CUBN: variants seen among roughly 807,000 people sequenced by gnomAD.
CUBN encodes the protein cubilin.
CUBN carries 282 observed loss-of-function variants against 405.3 expected under a neutral mutation model. That is an observed-to-expected ratio of 0.70 (90% CI 0.63 to 0.77). CUBN has a LOEUF of 0.77. Among genes scored for constraint, CUBN ranks in the 30% least tolerant of loss-of-function variants. CUBN has a pLI of 0.00. For synonymous variants in CUBN, 1,684 were observed against 1,617.0 expected (o/e 1.04, Z -0.99); for missense variants, 4,514 against 4,475.2 (o/e 1.01, Z -0.25).
rs747821988 is a variant in CUBN, at chr10:17,088,294, T to C, written c.1817A>G (p.Tyr606Cys). Residue 606 changes from tyrosine to cysteine, a missense_variant, in exon 15 of 67, where the codon TAT (tyrosine) becomes TGT (cysteine). Tyr to Cys is a radical substitution (Grantham distance 194). This residue lies in a region of CUBN where 1,448 missense variants were observed against 1,388.0 expected (regional missense o/e 1.04). Transcript: ENST00000377833. ...TCTTCCTGGGGGATAGTTTCCAGGATACCCCGGAGACTTAATAGAACCGTA... is the reference window on the plus strand; with the variant it reads ...TCTTCCTGGGGGATAGTTTCCAGGACACCCCGGAGACTTAATAGAACCGTA... ...GPYGSIKSPGYPGNYPPGRDC... is the reference protein window; with the variant it reads ...GPYGSIKSPGCPGNYPPGRDC... The C allele has an allele frequency of 1.2e-6, 2 of 1,613,478 alleles. No individual in the cohort carries two copies. Among genetic ancestry groups the C allele is most frequent in the African/African-American group, 1.3e-5 (1 of 74,884 alleles).
chr10:16,852,404 CATCTTTCCCTCCCTCACTCT>C (rs1839741308), intron 59 of CUBN, among the ~76,000 whole-genome samples: 1 of 141,462 alleles, frequency 7.1e-6, no homozygotes, highest in Admixed American at 7.0e-5. Flanking sequence ...TCCCTCCCTC[CATCTTTCCCTCCCTCACTCT>C]ATCTTTCCAT....
intron 60 of CUBN, among the ~76,000 whole-genome samples, chr10:16,847,571 C>T (rs559149640): frequency 5.9e-5 from 9 of 152,188 alleles, no homozygotes; most frequent in Non-Finnish European, 1.3e-4. Flanking sequence ...ACTTTACTAG[C>T]AGCTCCTCAA....
At chr10:17,071,318 G>T in intron 19 of CUBN, 108 bp downstream of exon 19, 1 of 1,147,680 alleles carries the variant, frequency 8.7e-7, no homozygotes, top group Non-Finnish European at 1.3e-6. Flanking sequence ...AGACATATTG[G>T]TCTACATAAA....
In CUBN at chr10:17,106,083, G is replaced by A. The variant is rs552489832; in HGVS notation, c.1112-508C>T. On this transcript the variant is annotated intron_variant, in intron 10 of 66. Coordinates refer to ENST00000377833, the MANE Select transcript of CUBN (RefSeq NM_001081.4). Reference sequence around the variant, plus strand: ...GCAGATCACTTGAGTTCAGGAGTTCGAGACCAGCCTGGCCAATGTGGAGAA... The same window carrying A: ...GCAGATCACTTGAGTTCAGGAGTTCAAGACCAGCCTGGCCAATGTGGAGAA... Among the ~76,000 whole-genome samples, 4 of 152,216 alleles carry A rather than the reference G, an allele frequency of 2.6e-5. No homozygotes were observed. In the East Asian group the frequency reaches 5.8e-4, roughly 22 times the overall value.
chr10:17,041,944 C>T (rs1259298835), intron 26 of CUBN, among the ~76,000 whole-genome samples: 2 of 152,128 alleles, frequency 1.3e-5, no homozygotes, highest in African/African-American at 2.4e-5. Context: ...ATGTCTAATC[C>T]TGGGTGCCCA....
At chr10:17,072,261 TA>T (rs1291012590) in intron 17 of CUBN, among the ~76,000 whole-genome samples, 1 of 152,074 alleles carries the variant, frequency 6.6e-6, no homozygotes, top group Admixed American at 6.6e-5. Flanking sequence ...CAATTTAGAC[TA>T]CTTGGAAAAC....
In CUBN at chr10:16,913,860, T is replaced by G. The variant is rs749857201; in HGVS notation, c.7484A>C (p.Asn2495Thr). The change falls in exon 48 of 67, where the codon AAC (asparagine) becomes ACC (threonine). Residue 2495 changes from asparagine to threonine, a missense_variant. Physicochemically the swap from Asn to Thr is moderately conservative, Grantham distance 65 (BLOSUM62 0). Coordinates refer to ENST00000377833, the MANE Select transcript of CUBN (RefSeq NM_001081.4). ...CGGATGCGTGGCCAGCCTCAGGTTGTTAAACATTAGGGTGATCCGCCTTCC... is the reference window on the plus strand; with the variant it reads ...CGGATGCGTGGCCAGCCTCAGGTTGGTAAACATTAGGGTGATCCGCCTTCC... The part of the protein sequence containing the change: ...PEGRRITLMF[N>T]NLRLATHPSC... 37 of 1,613,948 alleles carry G rather than the reference T, an allele frequency of 2.3e-5. No homozygotes were observed. The highest frequency in any genetic ancestry group is 3.1e-5 in the Non-Finnish European group (36 of 1,180,026).
chr10:16,853,283 G>A lies in CUBN; in HGVS notation c.9455-1840C>T, dbSNP rs971308576. 2.0e-5 allele frequency among the ~76,000 whole-genome samples: 3 copies of A among 152,182 alleles called. 1 individual carries two copies. The highest frequency in any genetic ancestry group is 2.0e-4 in the Admixed American group (3 of 15,276). On this transcript the variant is annotated intron_variant, in intron 59 of 66. Coordinates refer to ENST00000377833, the MANE Select transcript of CUBN (RefSeq NM_001081.4). ...TGGTGCTGAAATTAATGTCTATAAAGCTTGTATTCTACACAAATATAGGTC... is the reference window on the plus strand; with the variant it reads ...TGGTGCTGAAATTAATGTCTATAAAACTTGTATTCTACACAAATATAGGTC...
intron 10 of CUBN, 106 bp from the exon 11 acceptor site, chr10:17,105,681 A>C (rs2131302634): frequency 1.4e-6 from 1 of 719,698 alleles, no homozygotes; most frequent in Non-Finnish European, 2.5e-6. Context: ...ACCAACATCC[A>C]GTCTGTGTAT....
intron 41 of CUBN, among the ~76,000 whole-genome samples, chr10:16,927,948 A>C (rs773019825): frequency 6.6e-6 from 1 of 152,138 alleles, no homozygotes; most frequent in Non-Finnish European, 1.5e-5. Flanking sequence ...AAGGCAGCAC[A>C]CTTTTGTACG....
chr10:16,828,293 T>C (rs7918972), intron 66 of CUBN, among the ~76,000 whole-genome samples: 1 of 152,060 alleles, frequency 6.6e-6, no homozygotes, highest in Non-Finnish European at 1.5e-5. Flanking sequence ...CTGATTTTTG[T>C]AACTCTTAAT....
chr10:16,895,204 G>A (rs2131409392), intron 54 of CUBN, among the ~76,000 whole-genome samples: 1 of 152,234 alleles, frequency 6.6e-6, no homozygotes, highest in South Asian at 2.1e-4. Flanking sequence ...AACACACTCT[G>A]TATTTCAATT....
rs549033728 is a variant in CUBN at position 17,051,845 on chromosome 10, CAGA to C, written c.3140-4245_3140-4243del. Among the ~76,000 whole-genome samples the C allele has an allele frequency of 1.5e-4, 23 of 151,266 alleles. No individual in the cohort carries two copies. In the South Asian group the frequency reaches 2.5e-3, roughly 17 times the overall value. On this transcript the variant is annotated intron_variant, in intron 22 of 66. Transcript: ENST00000377833. ...GTTAACACACATACAATTAGAGAAC[CAGA>C]AGAAGAAGGTAATAAAAATGGGCCA...
intron 56 of CUBN, among the ~76,000 whole-genome samples, chr10:16,880,347 A>G (rs1840632624): frequency 6.6e-6 from 1 of 152,212 alleles, no homozygotes; most frequent in African/African-American, 2.4e-5. Flanking sequence ...CAGGCCAATC[A>G]GATGTGTCCA....
chr10:16,888,639 G>A, intron 55 of CUBN, 73 bp from the exon 56 acceptor site: 1 of 1,333,422 alleles, frequency 7.5e-7, no homozygotes, highest in Non-Finnish European at 1.1e-6. Context: ...AAGGAAAGAG[G>A]CATTTTCCTA....
chr10:16,947,732 C>T (rs1051647080), intron 35 of CUBN, among the ~76,000 whole-genome samples: 1 of 152,236 alleles, frequency 6.6e-6, no homozygotes, highest in Non-Finnish European at 1.5e-5. Context: ...CTTGCTTTCC[C>T]TCTCAGTAGA....
chr10:16,907,376 T>A (rs1257106301), intron 49 of CUBN, 132 bp downstream of exon 49: 2 of 921,542 alleles, frequency 2.2e-6, no homozygotes, highest in Non-Finnish European at 3.4e-6. Context: ...TGCTTATGTG[T>A]GTTTGTCTTA....
chr10:16,953,543 C>A (rs1224541294), intron 32 of CUBN, among the ~76,000 whole-genome samples: 1 of 152,062 alleles, frequency 6.6e-6, no homozygotes, highest in Non-Finnish European at 1.5e-5. Flanking sequence ...TTAGAACGAG[C>A]AGATGAAAGG....
chr10:16,855,478 C>T (rs1054126388), intron 59 of CUBN, among the ~76,000 whole-genome samples: 1 of 152,116 alleles, frequency 6.6e-6, no homozygotes, highest in African/African-American at 2.4e-5. Context: ...TGCTGAGTAA[C>T]TGCTGGTTCA....
Sources: allele counts gnomAD v4.1 joint callset (sites outside exome capture counted in the v4.1 genomes callset), GRCh38; gene constraint gnomAD v4.1.1; regional missense constraint gnomAD v4.1.1; transcripts MANE v1.5; gene names NCBI Gene and HGNC (gene_info 2026-07-23, HGNC 2026-07-21).